The following EEA1 variants were observed in gnomAD, a reference collection of about 807,000 sequenced individuals.
The protein encoded by EEA1 is early endosome antigen 1, 162kD.
EEA1 carries 111 observed loss-of-function variants against 209.2 expected under a neutral mutation model. That is an observed-to-expected ratio of 0.53 (90% CI 0.45 to 0.62). EEA1 has a LOEUF of 0.62. EEA1 is among the 20% of genes least tolerant of loss of function. The pLI, the probability that EEA1 is intolerant of heterozygous loss-of-function variation, is 0.00. For missense variants in EEA1, 1,343 were observed against 1,530.8 expected, an observed-to-expected ratio of 0.88 and a Z score of 2.05; for synonymous variants, 536 against 540.6, an observed-to-expected ratio of 0.99 and a Z score of 0.12.
At chr12:92,776,184 GTAT>G in intron 28 of EEA1, 51 bp from the exon 29 acceptor site, 2 of 1,535,784 alleles carry the variant, frequency 1.3e-6, no homozygotes, top group Non-Finnish European at 1.8e-6. Flanking sequence ...TATACCAAAA[GTAT>G]TATGAAACTA....
At chr12:92,806,012 A>G (rs886495081) in intron 18 of EEA1, among the ~76,000 whole-genome samples, 3 of 152,226 alleles carry the variant, frequency 2.0e-5, no homozygotes, top group Admixed American at 6.5e-5. Context: ...ATAAGGCTAC[A>G]TACTACCATC....
At chr12:92,790,253 C>T (rs1874338881) in intron 21 of EEA1, among the ~76,000 whole-genome samples, 1 of 152,178 alleles carries the variant, frequency 6.6e-6, no homozygotes, top group African/African-American at 2.4e-5. Flanking sequence ...TCCTCGCCAG[C>T]AACAGAACAA....
At chr12:92,864,644 A>T (rs531401222) in intron 3 of EEA1, among the ~76,000 whole-genome samples, 1 of 152,170 alleles carries the variant, frequency 6.6e-6, no homozygotes, top group East Asian at 1.9e-4. Flanking sequence ...TAAAAACATA[A>T]CCTATGTACC....
rs1023982162 is a variant in EEA1 at position 92,790,144 on chromosome 12, C to A, written c.2968-2095G>T. 9.2e-5 allele frequency among the ~76,000 whole-genome samples: 14 copies of A among 152,164 alleles called. No individual in the cohort carries two copies. The South Asian group carries it at 1.2e-3, about 13-fold the overall frequency. On this transcript the variant is annotated intron_variant, in intron 21 of 28. Transcript: ENST00000322349. ...ACCTGTAGGTCACCAACATCAAAGA[C>A]CAAAGGTAGATAAAACCACAAAGAT...
rs755603506 is a variant in EEA1 at position 92,851,125 on chromosome 12, A to G, written c.784T>C (p.Tyr262His). Residue 262 changes from tyrosine to histidine, a missense_variant, in exon 9 of 29, where the codon TAT becomes CAT. Physicochemically the swap from Tyr to His is moderately conservative, Grantham distance 83 (BLOSUM62 2). This residue lies in a region of EEA1 where 1,307 missense variants were observed against 1,465.5 expected (regional missense o/e 0.89). Coordinates refer to ENST00000322349, the MANE Select transcript of EEA1 (RefSeq NM_003566.4). ...KDECKKLQSQYASSEATISQL... is the reference protein window; with the variant it reads ...KDECKKLQSQHASSEATISQL... The stretch of plus-strand genomic sequence containing the variant: ...AACTTCATTACCTCTGAGCTAGCAT[A>G]TTGTGACTGCAATTTTTTGCATTCA... 2 of 1,613,682 alleles carry G rather than the reference A, an allele frequency of 1.2e-6. No individual in the cohort carries two copies. The highest frequency in any genetic ancestry group is 2.7e-5 in the African/African-American group (2 of 74,918).
intron 1 of EEA1, among the ~76,000 whole-genome samples, chr12:92,903,215 G>C (rs1880227427): frequency 6.6e-6 from 1 of 151,880 alleles, no homozygotes; most frequent in Non-Finnish European, 1.5e-5. Context: ...GGGATTACAG[G>C]CATGAGCCAC....
At chr12:92,831,920 C>T (rs1876662713) in intron 11 of EEA1, among the ~76,000 whole-genome samples, 1 of 149,454 alleles carries the variant, frequency 6.7e-6, no homozygotes, top group Non-Finnish European at 1.5e-5. Context: ...CCCGTCTCTA[C>T]TAAAAATACA....
intron 9 of EEA1, among the ~76,000 whole-genome samples, chr12:92,844,319 G>A (rs1456383873): frequency 6.6e-6 from 1 of 152,048 alleles, no homozygotes; most frequent in Non-Finnish European, 1.5e-5. Flanking sequence ...TCTGAGATAT[G>A]TGCATGGCCT....
Position 92,799,086 on chromosome 12 carries a change from C to A in EEA1, c.2773G>T (p.Ala925Ser). ...AGTTCCAATTTCAACTGATGAGAAGCCTGAAAGAAAAAAAAAATCTATTTA... is the reference window on the plus strand; with the variant it reads ...AGTTCCAATTTCAACTGATGAGAAGACTGAAAGAAAAAAAAAATCTATTTA... ...LKKSLEKEKE[A>S]SHQLKLELNS... The change falls in exon 21 of 29, where the codon GCT becomes TCT. Residue 925 changes from alanine (A) to serine (S), a missense_variant and splice_region_variant. Physicochemically the swap from Ala to Ser is moderately conservative, Grantham distance 99. Around this residue, in one of 3 missense-constraint regions of EEA1, gnomAD observed 1,307 missense variants for 1,465.5 expected, o/e 0.89. Transcript: ENST00000322349. 1 of 1,564,382 alleles carries A rather than the reference C, an allele frequency of 6.4e-7. No homozygotes were observed. Among genetic ancestry groups the A allele is most frequent in the Non-Finnish European group, 8.6e-7 (1 of 1,161,484 alleles).
chr12:92,849,128 T>C (rs1327123594), intron 9 of EEA1, among the ~76,000 whole-genome samples: 1 of 152,200 alleles, frequency 6.6e-6, no homozygotes, highest in Admixed American at 6.5e-5. Flanking sequence ...CTGGAATAAG[T>C]CAGAGAGGAC....
At chr12:92,915,335 G>C (rs937846188) in intron 1 of EEA1, among the ~76,000 whole-genome samples, 3 of 152,122 alleles carry the variant, frequency 2.0e-5, no homozygotes, top group African/African-American at 7.2e-5. Context: ...AGGTGTGCTG[G>C]TGTGGGCCTG....
At chr12:92,826,878 GAATT>G (rs1433397853) in intron 12 of EEA1, among the ~76,000 whole-genome samples, 2 of 151,968 alleles carry the variant, frequency 1.3e-5, no homozygotes, top group African/African-American at 2.4e-5. Flanking sequence ...TATGATCAAG[GAATT>G]AATTACATAT....
In EEA1 at chr12:92,774,139, A is replaced by G. The variant is rs1040501979; in HGVS notation, c.*1872T>C. 2 of 151,092 alleles carry G rather than the reference A, an allele frequency of 1.3e-5. No individual in the cohort carries two copies. Among genetic ancestry groups the G allele is most frequent in the African/African-American group, 4.8e-5 (2 of 41,306 alleles). The allele number at this position is 151,092 out of a possible 1,614,324, so 9.4% of individuals were successfully genotyped here. Reference sequence around the variant, plus strand: ...TATTTATATGTAAAAGGATAGAATTAAAACTATTTGGAAGGATTTATAAGT... The same window carrying G: ...TATTTATATGTAAAAGGATAGAATTGAAACTATTTGGAAGGATTTATAAGT... On this transcript the variant is annotated 3_prime_UTR_variant, in exon 29 of 29. Transcript: ENST00000322349.
intron 2 of EEA1, among the ~76,000 whole-genome samples, chr12:92,874,817 T>C (rs1878807441): frequency 6.6e-6 from 1 of 152,248 alleles, no homozygotes; most frequent in Non-Finnish European, 1.5e-5. Flanking sequence ...AGTGAAATAT[T>C]GTATATCACA....
chr12:92,839,316 GTACAAAAAGTCC>G (rs1487019655), intron 10 of EEA1, among the ~76,000 whole-genome samples: 34 of 152,244 alleles, frequency 2.2e-4, no homozygotes, highest in Non-Finnish European at 4.7e-4. Flanking sequence ...ATGTTACAGT[GTACAAAAAGTCC>G]ACTGACTCGG....
chr12:92,802,788 T>C (rs925395497), intron 18 of EEA1, 54 bp from the exon 19 acceptor site: 2 of 1,338,662 alleles, frequency 1.5e-6, no homozygotes, highest in African/African-American at 3.1e-5. Flanking sequence ...CCACTTCTAA[T>C]TTACCATTCA....
intron 27 of EEA1, among the ~76,000 whole-genome samples, chr12:92,777,250 C>G (rs1873696498): frequency 6.6e-6 from 1 of 151,852 alleles, no homozygotes; most frequent in Non-Finnish European, 1.5e-5. Context: ...ACTCAGATCG[C>G]TTCTTTAACA....
Position 92,929,196 on chromosome 12 carries a change from T to C in EEA1, c.-130A>G. 2.3e-6 allele frequency: 2 copies of C among 862,428 alleles called. No homozygotes were observed. The highest frequency in any genetic ancestry group is 3.3e-6 in the Non-Finnish European group (2 of 600,542). 53.4% of individuals were successfully genotyped at this position (862,428 alleles called of 1,614,324 possible). A position where few individuals can be genotyped will look rare whatever the true frequency, so the allele number is the denominator to read the frequency against. Reference sequence around the variant, plus strand: ...CGGGAAGGAGGTCGGGGCGAGGCGGTGGCGACGGCCGCTCGGGCGGCCCCG... The same window carrying C: ...CGGGAAGGAGGTCGGGGCGAGGCGGCGGCGACGGCCGCTCGGGCGGCCCCG... On this transcript the variant is annotated 5_prime_UTR_variant, in exon 1 of 29. Transcript: ENST00000322349.
At chr12:92,881,272 T>C (rs904449165) in intron 2 of EEA1, among the ~76,000 whole-genome samples, 5 of 151,748 alleles carry the variant, frequency 3.3e-5, no homozygotes, top group African/African-American at 1.2e-4. Flanking sequence ...ATCAGGGCCA[T>C]GGTGATGTGT....
Sources: allele counts gnomAD v4.1 joint callset (sites outside exome capture counted in the v4.1 genomes callset), GRCh38; gene constraint gnomAD v4.1.1; regional missense constraint gnomAD v4.1.1; transcripts MANE v1.5; gene names NCBI Gene and HGNC (gene_info 2026-07-23, HGNC 2026-07-21).